Variants in ANKS1B observed in about 807,000 individuals in gnomAD.
The protein encoded by ANKS1B is ankyrin repeat and sterile alpha motif domain-containing protein 1B.
Under a neutral mutation model 148.3 loss-of-function variants are expected in ANKS1B, and 36 were observed. The ratio of observed to expected loss-of-function variants is 0.24; its 90% CI spans 0.19 to 0.32. ANKS1B has a LOEUF of 0.32. Ranked by LOEUF, ANKS1B falls within the 10% of genes least tolerant of loss-of-function variation. ANKS1B has a pLI of 1.00. For synonymous variants in ANKS1B, 542 were observed against 560.8 expected (o/e 0.97, Z 0.47); for missense variants, 1,157 against 1,542.6 (o/e 0.75, Z 4.19).
chr12:99,076,942 C>T (rs950201968), intron 16 of ANKS1B, among the ~76,000 whole-genome samples: 1 of 151,876 alleles, frequency 6.6e-6, no homozygotes, highest in Non-Finnish European at 1.5e-5. Context: ...GGACATATGG[C>T]CAGCAGAGTA....
chr12:99,786,999 A>C (rs2065072388), intron 4 of ANKS1B, among the ~76,000 whole-genome samples: 1 of 152,246 alleles, frequency 6.6e-6, no homozygotes, highest in Non-Finnish European at 1.5e-5. Flanking sequence ...AATTATCAAA[A>C]TTGACCAGAT....
chr12:99,898,898 A>G (rs191468991), intron 1 of ANKS1B, among the ~76,000 whole-genome samples: 4 of 152,354 alleles, frequency 2.6e-5, no homozygotes, highest in Admixed American at 2.6e-4. Flanking sequence ...CTTTCACTAC[A>G]TAATCGCAAA....
chr12:99,908,338 G>C (rs755143401), intron 1 of ANKS1B, among the ~76,000 whole-genome samples: 23 of 152,084 alleles, frequency 1.5e-4, no homozygotes, highest in Non-Finnish European at 2.9e-5. Context: ...CCAGCAATTT[G>C]GGAGGCTGAG....
At chr12:98,756,053 A>G in intron 25 of ANKS1B, among the ~76,000 whole-genome samples, 1 of 152,158 alleles carries the variant, frequency 6.6e-6, no homozygotes, top group Non-Finnish European at 1.5e-5. Flanking sequence ...AGTCATGTAA[A>G]AAGTCTCACC....
At chr12:99,529,203 C>T (rs1406509805) in intron 9 of ANKS1B, among the ~76,000 whole-genome samples, 2 of 152,000 alleles carry the variant, frequency 1.3e-5, no homozygotes, top group Non-Finnish European at 2.9e-5. Context: ...CAAAAAAAGA[C>T]CTAGATGATC....
chr12:99,138,146 T>C (rs2068786048), intron 15 of ANKS1B, among the ~76,000 whole-genome samples: 1 of 152,194 alleles, frequency 6.6e-6, no homozygotes, highest in African/African-American at 2.4e-5. Flanking sequence ...TTTGTTTGAA[T>C]TCTTGGAACA....
chr12:98,998,003 C>T, intron 17 of ANKS1B, among the ~76,000 whole-genome samples: 1 of 152,158 alleles, frequency 6.6e-6, no homozygotes, highest in East Asian at 1.9e-4. Flanking sequence ...CTGCCTTGGC[C>T]TGTCTTCTGG....
intron 12 of ANKS1B, among the ~76,000 whole-genome samples, chr12:99,384,964 C>A (rs118025794): frequency 1.3e-5 from 2 of 152,208 alleles, no homozygotes; most frequent in South Asian, 4.2e-4. Context: ...CTTACTTTCT[C>A]TGGCTTTTTT....
chr12:99,870,775 T>A (rs1348755950), intron 1 of ANKS1B, among the ~76,000 whole-genome samples: 2 of 152,216 alleles, frequency 1.3e-5, no homozygotes, highest in African/African-American at 4.8e-5. Context: ...GATATTTGGT[T>A]TTTGCTTTTT....
intron 16 of ANKS1B, among the ~76,000 whole-genome samples, chr12:99,075,543 C>T (rs1382422436): frequency 1.3e-5 from 2 of 152,172 alleles, no homozygotes; most frequent in East Asian, 1.9e-4. Context: ...ATCTGAATGA[C>T]TTGCTGTCAC....
At chr12:99,556,116 T>C (rs1035844156) in intron 9 of ANKS1B, among the ~76,000 whole-genome samples, 1 of 152,194 alleles carries the variant, frequency 6.6e-6, no homozygotes, top group Admixed American at 6.5e-5. Flanking sequence ...TCAGAACTCA[T>C]AGAATTGTTC....
At chr12:99,534,961 G>A (rs988532986) in intron 9 of ANKS1B, among the ~76,000 whole-genome samples, 4 of 151,732 alleles carry the variant, frequency 2.6e-5, no homozygotes, top group Non-Finnish European at 5.9e-5. Flanking sequence ...TGACCACCTC[G>A]GCCTCCCAAA....
intron 9 of ANKS1B, among the ~76,000 whole-genome samples, chr12:99,542,294 A>C (rs1055482564): frequency 2.0e-5 from 3 of 152,198 alleles, no homozygotes; most frequent in Admixed American, 2.0e-4. Flanking sequence ...ATTAAATTTA[A>C]ATAAAATTTC....
At chr12:99,691,659 C>T (rs1262365724) in intron 8 of ANKS1B, among the ~76,000 whole-genome samples, 1 of 152,156 alleles carries the variant, frequency 6.6e-6, no homozygotes, top group African/African-American at 2.4e-5. Flanking sequence ...GCATTTTGAT[C>T]AAAGCCATTC....
chr12:99,675,828 T>G (rs1337923727), intron 8 of ANKS1B, among the ~76,000 whole-genome samples: 3 of 152,142 alleles, frequency 2.0e-5, no homozygotes, highest in Non-Finnish European at 1.5e-5. Flanking sequence ...ATTAGGATAT[T>G]ATTACTATAA....
chr12:98,764,312 C>T (rs985993413), intron 25 of ANKS1B, among the ~76,000 whole-genome samples: 1 of 152,154 alleles, frequency 6.6e-6, no homozygotes, highest in African/African-American at 2.4e-5. Flanking sequence ...CTGCAACCTT[C>T]GCCTCCTGGG....
At chr12:99,773,211 A>C (rs953685449) in intron 7 of ANKS1B, 123 bp from the exon 8 acceptor site, 1 of 724,562 alleles carries the variant, frequency 1.4e-6, no homozygotes, top group Non-Finnish European at 2.2e-6. Context: ...GCAGTCAGAC[A>C]CTATTCTGCT....
At chr12:99,892,999 G>C (rs931381652) in intron 1 of ANKS1B, among the ~76,000 whole-genome samples, 4 of 152,144 alleles carry the variant, frequency 2.6e-5, no homozygotes, top group Non-Finnish European at 5.9e-5. Context: ...TCACTCCACA[G>C]TAATAAGCTT....
At chr12:99,399,889 A>C in intron 11 of ANKS1B, 78 bp from the exon 12 acceptor site, 1 of 1,447,736 alleles carries the variant, frequency 6.9e-7, no homozygotes, top group Non-Finnish European at 9.6e-7. Flanking sequence ...AATTTAATCT[A>C]AGTGATAATT....
Sources: allele counts gnomAD v4.1 joint callset (sites outside exome capture counted in the v4.1 genomes callset), GRCh38; gene constraint gnomAD v4.1.1; transcripts MANE v1.5; gene names NCBI Gene and HGNC (gene_info 2026-07-23, HGNC 2026-07-21).